Variants in GRIN2A observed in about 807,000 individuals in gnomAD.
The protein encoded by GRIN2A is glutamate receptor ionotropic, NMDA 2A.
A neutral mutation model predicts 113.4 loss-of-function variants in GRIN2A; 22 were observed. The observed-to-expected ratio is 0.19, with a 90% CI of 0.14 to 0.28. The LOEUF is 0.28. Ranked by LOEUF, GRIN2A falls within the 10% of genes least tolerant of loss-of-function variation. GRIN2A has a pLI of 1.00. For missense variants in GRIN2A, 1,502 were observed against 1,887.0 expected (o/e 0.80, Z 3.78); for synonymous variants, 827 against 738.4 (o/e 1.12, Z -1.94).
At chr16:10,020,277 G>C (rs1310966397) in intron 2 of GRIN2A, among the ~76,000 whole-genome samples, 1 of 152,150 alleles carries the variant, frequency 6.6e-6, no homozygotes, top group Admixed American at 6.5e-5. Flanking sequence ...AGGGCATGGG[G>C]CGTGGGGCAG....
chr16:9,921,586 T>C (rs1054626072), intron 3 of GRIN2A, among the ~76,000 whole-genome samples: 1 of 152,254 alleles, frequency 6.6e-6, no homozygotes, highest in Non-Finnish European at 1.5e-5. Context: ...ATGGTGCATG[T>C]GAAAATCCTT....
At chr16:9,990,331 G>T (rs78668837) in intron 2 of GRIN2A, among the ~76,000 whole-genome samples, 2,429 of 152,158 alleles carry the variant, frequency 0.016, 42 homozygotes, top group Non-Finnish European at 0.022. Flanking sequence ...AACTAAAATT[G>T]GGTGCTCATG....
chr16:10,136,426 A>C (rs960231730), intron 2 of GRIN2A, among the ~76,000 whole-genome samples: 1 of 152,204 alleles, frequency 6.6e-6, no homozygotes, highest in Non-Finnish European at 1.5e-5. Flanking sequence ...CTTCCAAGAA[A>C]ATCAAACTGT....
intron 10 of GRIN2A, among the ~76,000 whole-genome samples, chr16:9,814,830 A>C (rs2042155059): frequency 6.6e-6 from 1 of 151,680 alleles, no homozygotes; most frequent in Admixed American, 6.6e-5. Context: ...GTCCAGCCTG[A>C]CCAACATGGA....
At chr16:9,928,405 C>T (rs1398428222) in intron 3 of GRIN2A, among the ~76,000 whole-genome samples, 1 of 152,164 alleles carries the variant, frequency 6.6e-6, no homozygotes, top group Non-Finnish European at 1.5e-5. Flanking sequence ...TGAGCACCTG[C>T]CCCTTTATAC....
At chr16:10,106,675 A>AT (rs981265455) in intron 2 of GRIN2A, among the ~76,000 whole-genome samples, 2 of 152,112 alleles carry the variant, frequency 1.3e-5, no homozygotes, top group African/African-American at 4.8e-5. Context: ...AGAAAAAGTG[A>AT]TTTTTTTCCT....
chr16:10,109,341 T>TA (rs2048563599), intron 2 of GRIN2A, among the ~76,000 whole-genome samples: 1 of 107,170 alleles, frequency 9.3e-6, no homozygotes, highest in African/African-American at 2.6e-5. Flanking sequence ...ATAAAACATT[T>TA]AAGGAAAAAA....
At chr16:9,959,330 G>C (rs1444070474) in intron 2 of GRIN2A, among the ~76,000 whole-genome samples, 1 of 152,070 alleles carries the variant, frequency 6.6e-6, no homozygotes. Flanking sequence ...CCTAAACCTA[G>C]AGCGAAATTA....
intron 2 of GRIN2A, among the ~76,000 whole-genome samples, chr16:10,097,326 C>G (rs560747441): frequency 2.6e-5 from 4 of 152,170 alleles, no homozygotes; most frequent in Non-Finnish European, 4.4e-5. Flanking sequence ...ACACACTAAA[C>G]AAATAATCGT....
chr16:9,786,275 C>T (rs758017372), intron 11 of GRIN2A, among the ~76,000 whole-genome samples: 8 of 152,164 alleles, frequency 5.3e-5, no homozygotes, highest in Admixed American at 1.3e-4. Context: ...TCTGACTTCT[C>T]TTAATTACAT....
intron 2 of GRIN2A, among the ~76,000 whole-genome samples, chr16:10,029,473 C>T (rs773962987): frequency 7.9e-5 from 12 of 151,858 alleles, no homozygotes; most frequent in African/African-American, 1.2e-4. Context: ...GGATTAGAGG[C>T]GTAAAGGCTG....
intron 2 of GRIN2A, among the ~76,000 whole-genome samples, chr16:10,143,735 C>T (rs1441687212): frequency 6.6e-6 from 1 of 152,088 alleles, no homozygotes; most frequent in Non-Finnish European, 1.5e-5. Flanking sequence ...GAGACCAAGG[C>T]AAGTGGATCT....
chr16:9,756,037 T>G lies in GRIN2A; in HGVS notation c.*7112A>C, dbSNP rs143274147. On this transcript the variant is annotated 3_prime_UTR_variant, in exon 13 of 13. Coordinates refer to ENST00000330684, the MANE Select transcript of GRIN2A (RefSeq NM_001134407.3). ...AAGATAACCAAACATAGACATGAAA[T>G]AGGAGGAATAGTCAACTTGCAAATA... 1.4e-5 allele frequency: 3 copies of G among 220,370 alleles called. No individual in the cohort carries two copies. The highest frequency in any genetic ancestry group is 1.2e-4 in the Admixed American group (2 of 17,322). The allele number at this position is 220,370 out of a possible 1,614,324, so 13.7% of individuals were successfully genotyped here. A position where few individuals can be genotyped will look rare whatever the true frequency, so the allele number is the denominator to read the frequency against.
chr16:10,176,352 CG>C (rs1214451365), intron 2 of GRIN2A, among the ~76,000 whole-genome samples: 2 of 152,070 alleles, frequency 1.3e-5, no homozygotes, highest in Non-Finnish European at 2.9e-5. Context: ...CCCAATGATG[CG>C]AGCAAAACAT....
At chr16:9,878,229 G>C (rs981175311) in intron 4 of GRIN2A, among the ~76,000 whole-genome samples, 4 of 152,116 alleles carry the variant, frequency 2.6e-5, no homozygotes, top group African/African-American at 9.7e-5. Context: ...ATGACCGAAT[G>C]TTTGACTCTG....
chr16:10,136,081 C>T lies in GRIN2A; in HGVS notation c.414+43917G>A, dbSNP rs761230638. On this transcript the variant is annotated intron_variant, in intron 2 of 12. Transcript: ENST00000330684. Reference sequence around the variant, plus strand: ...GTGAGCAAGTCTAAAAGCAGATGTGCTTATCCTTTCAATCACTCTACTTTT... The same window carrying T: ...GTGAGCAAGTCTAAAAGCAGATGTGTTTATCCTTTCAATCACTCTACTTTT... Among the ~76,000 whole-genome samples, 44 of 152,276 alleles carry T rather than the reference C, an allele frequency of 2.9e-4. 1 individual carries two copies. Among genetic ancestry groups the T allele is most frequent in the Middle Eastern group, 3.4e-3 (1 of 294 alleles).
At chr16:9,776,914 G>A (rs888100131) in intron 11 of GRIN2A, among the ~76,000 whole-genome samples, 9 of 152,190 alleles carry the variant, frequency 5.9e-5, no homozygotes, top group African/African-American at 2.2e-4. Context: ...GTTCTGAGTT[G>A]TGGTCCTGCA....
chr16:10,041,986 C>T (rs1232954139), intron 2 of GRIN2A, among the ~76,000 whole-genome samples: 1 of 152,150 alleles, frequency 6.6e-6, no homozygotes, highest in Non-Finnish European at 1.5e-5. Context: ...ATTAGCAAGA[C>T]TCATGTCTGA....
intron 11 of GRIN2A, among the ~76,000 whole-genome samples, chr16:9,784,036 G>C (rs557592547): frequency 1.2e-4 from 18 of 152,202 alleles, no homozygotes; most frequent in African/African-American, 4.1e-4. Context: ...CTTAATACCT[G>C]GGTGATGAAA....
Sources: allele counts gnomAD v4.1 joint callset (sites outside exome capture counted in the v4.1 genomes callset), GRCh38; gene constraint gnomAD v4.1.1; transcripts MANE v1.5; gene names NCBI Gene and HGNC (gene_info 2026-07-23, HGNC 2026-07-21).